The following PLCZ1 variants were observed in gnomAD, a reference collection of about 807,000 sequenced individuals.
The protein encoded by PLCZ1 is 1-phosphatidylinositol 4,5-bisphosphate phosphodiesterase zeta-1.
In PLCZ1, 64 loss-of-function variants were observed where a neutral mutation model predicts 76.8. The ratio of observed to expected loss-of-function variants is 0.83; its 90% CI spans 0.68 to 1.03. The LOEUF (loss-of-function observed/expected upper bound fraction) is 1.03. PLCZ1 is among the 50% of genes least tolerant of loss of function. The pLI, the probability that PLCZ1 is intolerant of heterozygous loss-of-function variation, is 0.00. For missense variants in PLCZ1, 751 were observed against 713.7 expected (o/e 1.05, Z -0.60); for synonymous variants, 248 against 230.8 (o/e 1.07, Z -0.68).
chr12:18,650,401 ATTTTT>A, the PLCZ1 span, among the ~76,000 whole-genome samples: 2 of 136,528 alleles, frequency 1.5e-5, no homozygotes, highest in African/African-American at 5.4e-5. Context: ...ATACACACAC[ATTTTT>A]TTTTTAAGAG....
intron 3 of PLCZ1, among the ~76,000 whole-genome samples, chr12:18,733,208 G>A (rs1029838983): frequency 1.3e-5 from 2 of 152,174 alleles, no homozygotes; most frequent in African/African-American, 4.8e-5. Flanking sequence ...GATTAGTGAT[G>A]TTGAGCACTT....
chr12:18,650,702 G>GTATA, the PLCZ1 span, among the ~76,000 whole-genome samples: 2 of 27,690 alleles, frequency 7.2e-5, no homozygotes, highest in Non-Finnish European at 2.3e-4. Flanking sequence ...GTGTGTGTGT[G>GTATA]TGTATATATC....
intron 9 of PLCZ1, among the ~76,000 whole-genome samples, chr12:18,701,105 G>A (rs1490788133): frequency 6.6e-6 from 1 of 151,646 alleles, no homozygotes; most frequent in African/African-American, 2.4e-5. Flanking sequence ...CTGCTTCAGC[G>A]TCACAAGTAG....
chr12:18,662,721 C>G, the PLCZ1 span, among the ~76,000 whole-genome samples: 52 of 152,106 alleles, frequency 3.4e-4, no homozygotes, highest in South Asian at 0.011. Context: ...AAAATGAGGT[C>G]TAGTCTGTAA....
At chr12:18,655,508 A>G in the PLCZ1 span, among the ~76,000 whole-genome samples, 2,230 of 152,338 alleles carry the variant, frequency 0.015, 77 homozygotes, top group African/African-American at 0.051. Flanking sequence ...ATAGCTACCC[A>G]TTCCTTACAT....
At chr12:18,656,953 C>T in the PLCZ1 span, among the ~76,000 whole-genome samples, 1 of 152,118 alleles carries the variant, frequency 6.6e-6, no homozygotes, top group African/African-American at 2.4e-5. Context: ...TTTAAGGCAG[C>T]CCTAATGACA....
In PLCZ1 at chr12:18,719,596, G is replaced by T. The variant is rs767112029; in HGVS notation, c.404C>A (p.Thr135Lys). ...ACATTCACGTGAATCCATGTATCTTGTAAAACCTTCTAATGACATTTGGTG... is the reference window on the plus strand; with the variant it reads ...ACATTCACGTGAATCCATGTATCTTTTAAAACCTTCTAATGACATTTGGTG... ...KAHQMSLEGFTRYMDSRECLL... is the reference protein window; with the variant it reads ...KAHQMSLEGFKRYMDSRECLL... The change falls in exon 5 of 15, where the codon ACA becomes AAA. Residue 135 changes from threonine to lysine, a missense_variant. Physicochemically the swap from Thr to Lys is moderately conservative, Grantham distance 78 (BLOSUM62 -1). Transcript: ENST00000266505. The T allele has an allele frequency of 1.2e-6, 2 of 1,604,842 alleles. No individual in the cohort carries two copies. The highest frequency in any genetic ancestry group is 1.7e-6 in the Non-Finnish European group (2 of 1,175,338).
chr12:18,657,485 C>G, the PLCZ1 span, among the ~76,000 whole-genome samples: 2 of 152,240 alleles, frequency 1.3e-5, no homozygotes, highest in East Asian at 3.9e-4. Flanking sequence ...CCTCAACATT[C>G]ACATAGAGCC....
intron 9 of PLCZ1, 31 bp downstream of exon 9, chr12:18,701,470 C>T (rs773537061): frequency 1.1e-5 from 17 of 1,613,888 alleles, no homozygotes; most frequent in Non-Finnish European, 5.9e-6. Context: ...TTTCCAATCA[C>T]TTGTAAGATT....
chr12:18,673,807 T>C, the PLCZ1 span, among the ~76,000 whole-genome samples: 2 of 152,170 alleles, frequency 1.3e-5, no homozygotes, highest in Admixed American at 6.6e-5. Flanking sequence ...TCACAAACTG[T>C]TGGACTCAGG....
chr12:18,647,805 A>G, the PLCZ1 span: 1 of 873,716 alleles, frequency 1.1e-6, no homozygotes, highest in African/African-American at 1.7e-5. Context: ...TTTTTATTAA[A>G]AGCAATACTC....
chr12:18,651,355 G>A, the PLCZ1 span, among the ~76,000 whole-genome samples: 2 of 151,738 alleles, frequency 1.3e-5, no homozygotes, highest in Admixed American at 6.6e-5. Flanking sequence ...CCCTGTCCCT[G>A]GAAACACACC....
the PLCZ1 span, among the ~76,000 whole-genome samples, chr12:18,653,014 C>T: frequency 6.6e-6 from 1 of 151,934 alleles, no homozygotes; most frequent in South Asian, 2.1e-4. Flanking sequence ...ACACAGTCAC[C>T]CCCTCAAACC....
intron 12 of PLCZ1, chr12:18,693,294 G>C: frequency 1.3e-6 from 2 of 1,524,928 alleles, no homozygotes; most frequent in Admixed American, 1.7e-5. Flanking sequence ...CCTGGTCACA[G>C]TGATGAAGGT....
At chr12:18,718,763 C>T (rs1373811102) in intron 5 of PLCZ1, among the ~76,000 whole-genome samples, 1 of 152,138 alleles carries the variant, frequency 6.6e-6, no homozygotes, top group African/African-American at 2.4e-5. Flanking sequence ...TCCTTGAAAA[C>T]ATTTTTTACC....
intron 3 of PLCZ1, among the ~76,000 whole-genome samples, chr12:18,729,065 A>G (rs1958905902): frequency 6.6e-6 from 1 of 152,028 alleles, no homozygotes; most frequent in Admixed American, 6.6e-5. Context: ...TTTATCCTAA[A>G]ATATGTAATA....
chr12:18,669,220 C>T, the PLCZ1 span, among the ~76,000 whole-genome samples: 1 of 152,144 alleles, frequency 6.6e-6, no homozygotes, highest in African/African-American at 2.4e-5. Flanking sequence ...GGTCCCACAG[C>T]TAGTAGGTAG....
At chr12:18,654,126 A>G in the PLCZ1 span, among the ~76,000 whole-genome samples, 2 of 152,148 alleles carry the variant, frequency 1.3e-5, no homozygotes, top group Non-Finnish European at 1.5e-5. Flanking sequence ...TTGGGATCTC[A>G]AAACACAGAC....
At chr12:18,650,375 G>A in the PLCZ1 span, among the ~76,000 whole-genome samples, 1 of 134,400 alleles carries the variant, frequency 7.4e-6, no homozygotes. Flanking sequence ...GTGTGTGTGT[G>A]TCTGTGTGTC....
Sources: gnomAD v4.1 joint callset for allele counts (sites outside exome capture counted in the v4.1 genomes callset) on GRCh38, gnomAD v4.1.1 for gene constraint, MANE v1.5 for transcripts, NCBI Gene and HGNC (gene_info 2026-07-23, HGNC 2026-07-21) for gene names.